Variants in CWC27 observed in about 807,000 individuals in gnomAD.
CWC27 encodes CWC27 spliceosome associated cyclophilin.
CWC27 carries 47 observed loss-of-function variants against 63.6 expected under a neutral mutation model. The ratio of observed to expected loss-of-function variants is 0.74; its 90% CI spans 0.58 to 0.94. The LOEUF is 0.94. CWC27 is among the 40% of genes least tolerant of loss of function. The probability of loss-of-function intolerance (pLI) is 0.00; values close to 1 mark genes in which losing one functional copy is unlikely to be tolerated. For missense variants in CWC27, 495 were observed against 554.3 expected (o/e 0.89, Z 1.07); for synonymous variants, 175 against 179.8 (o/e 0.97, Z 0.22).
At chr5:64,963,708 T>G (rs1035784580) in intron 11 of CWC27, among the ~76,000 whole-genome samples, 3 of 152,214 alleles carry the variant, frequency 2.0e-5, no homozygotes, top group Non-Finnish European at 4.4e-5. Flanking sequence ...TTAACAGGCT[T>G]AATCATGGTA....
chr5:64,788,937 TTTTTTTGGACTAGAAA>T lies in CWC27; in HGVS notation c.600-9_606del. On this transcript the variant is annotated splice_acceptor_variant and splice_polypyrimidine_tract_variant and coding_sequence_variant and intron_variant, in exon 7 of 14. Transcript: ENST00000381070. LOFTEE classifies it high-confidence loss of function. The stretch of plus-strand genomic sequence containing the variant: ...TCTCTTTCTTTTTTTTTTTCTTTCT[TTTTTTTGGACTAGAAA>T]TTTTAGTTTACTTTCATTTGGAGAG... The T allele has an allele frequency of 6.4e-7, 1 of 1,552,632 alleles. No individual in the cohort carries two copies. The highest frequency in any genetic ancestry group is 8.7e-7 in the Non-Finnish European group (1 of 1,145,068).
rs568073547 is a variant in CWC27, at chr5:64,884,856, A to G, written c.939-587A>G. On this transcript the variant is annotated intron_variant, in intron 10 of 13. Transcript: ENST00000381070. ...TTTGTCTTTAACACATGATTATATT[A>G]ATCATCAGACCTCACCCTGGTAGAT... 2.1e-4 allele frequency among the ~76,000 whole-genome samples: 32 copies of G among 152,310 alleles called. No individual in the cohort carries two copies. The South Asian group carries it at 3.7e-3, about 18-fold the overall frequency.
intron 10 of CWC27, among the ~76,000 whole-genome samples, chr5:64,868,345 T>C (rs1746581349): frequency 6.6e-6 from 1 of 152,134 alleles, no homozygotes; most frequent in Admixed American, 6.6e-5. Flanking sequence ...TATTTCCTAG[T>C]CGCCTCTTAA....
At chr5:64,997,379 G>T (rs899351055) in intron 13 of CWC27, among the ~76,000 whole-genome samples, 1 of 152,074 alleles carries the variant, frequency 6.6e-6, no homozygotes, top group Non-Finnish European at 1.5e-5. Context: ...TTTTTAAAGG[G>T]TTTAGTATGG....
intron 10 of CWC27, among the ~76,000 whole-genome samples, chr5:64,840,380 AAAAAAAAAAAAAAAATATATATATATAT>A (rs1384640323): frequency 7.1e-5 from 5 of 70,204 alleles, no homozygotes; most frequent in African/African-American, 2.6e-4. Context: ...AAAAAAAAAA[AAAAAAAAAAAAAAAATATATATATATAT>A]ATATATATAT....
chr5:65,005,334 G>T (rs1478238070), intron 13 of CWC27, among the ~76,000 whole-genome samples: 1 of 152,086 alleles, frequency 6.6e-6, no homozygotes, highest in South Asian at 2.1e-4. Flanking sequence ...AGTGAGGAAG[G>T]TTGATCCCTG....
chr5:64,949,753 C>T (rs112207969), intron 11 of CWC27, among the ~76,000 whole-genome samples: 1,976 of 152,098 alleles, frequency 0.013, 15 homozygotes, highest in Non-Finnish European at 0.02. Flanking sequence ...GCTCCCTTTT[C>T]CTGGAATGCC....
At chr5:64,888,584 TATAA>T (rs1045528149) in intron 11 of CWC27, among the ~76,000 whole-genome samples, 5 of 148,640 alleles carry the variant, frequency 3.4e-5, no homozygotes, top group African/African-American at 7.3e-5. Flanking sequence ...TTGGCATACT[TATAA>T]ATAATTTATA....
chr5:64,840,245 C>A (rs1426742612), intron 10 of CWC27, among the ~76,000 whole-genome samples: 2 of 150,448 alleles, frequency 1.3e-5, no homozygotes, highest in Non-Finnish European at 3.0e-5. Context: ...ACTGCTGCAC[C>A]CAAGCAATGT....
rs556185896 is a variant in CWC27 at position 64,845,217 on chromosome 5, G to A, written c.939-40226G>A. 6.6e-5 allele frequency among the ~76,000 whole-genome samples: 10 copies of A among 152,264 alleles called. 1 individual carries two copies. Among genetic ancestry groups the A allele is most frequent in the African/African-American group, 2.4e-4 (10 of 41,546 alleles). On this transcript the variant is annotated intron_variant, in intron 10 of 13. Transcript: ENST00000381070. ...ATCATCACCAGCTGGCCCTTCCCAG[G>A]CTAAACTAAATAGTGAACCTCTATC...
intron 11 of CWC27, among the ~76,000 whole-genome samples, chr5:64,967,469 A>T (rs1230701146): frequency 6.6e-6 from 1 of 152,038 alleles, no homozygotes; most frequent in Non-Finnish European, 1.5e-5. Context: ...AAAATCACCA[A>T]AATAGTTGTG....
At chr5:65,014,304 G>A (rs1268829046) in intron 13 of CWC27, among the ~76,000 whole-genome samples, 2 of 146,308 alleles carry the variant, frequency 1.4e-5, no homozygotes, top group African/African-American at 2.5e-5. Flanking sequence ...TGTATATACT[G>A]TATATATACT....
intron 11 of CWC27, among the ~76,000 whole-genome samples, chr5:64,936,074 A>G (rs1384372281): frequency 6.6e-6 from 1 of 152,140 alleles, no homozygotes; most frequent in Non-Finnish European, 1.5e-5. Flanking sequence ...CTCTCTTCCT[A>G]TTTGAATACC....
intron 11 of CWC27, among the ~76,000 whole-genome samples, chr5:64,949,923 C>A (rs1448702989): frequency 1.3e-5 from 2 of 151,910 alleles, no homozygotes; most frequent in African/African-American, 2.4e-5. Context: ...GGGCTGAAAC[C>A]CAGGCATCGG....
intron 10 of CWC27, among the ~76,000 whole-genome samples, chr5:64,809,878 C>T (rs771465094): frequency 3.7e-4 from 56 of 152,142 alleles, no homozygotes; most frequent in Non-Finnish European, 5.6e-4. Context: ...TCCTTTGCTG[C>T]GCAGAACTTT....
chr5:64,802,402 G>A (rs773870508), intron 9 of CWC27, among the ~76,000 whole-genome samples: 3 of 152,158 alleles, frequency 2.0e-5, no homozygotes, highest in African/African-American at 7.2e-5. Flanking sequence ...GCCATGGTGA[G>A]GGGTTTGAGT....
chr5:64,937,521 T>C (rs377323606), intron 11 of CWC27, among the ~76,000 whole-genome samples: 3 of 152,186 alleles, frequency 2.0e-5, no homozygotes, highest in Non-Finnish European at 4.4e-5. Flanking sequence ...AGTTATATGG[T>C]AAATTTTAGA....
chr5:65,018,132 C>G, intron 13 of CWC27, 27 bp from the exon 14 acceptor site: 1 of 1,553,020 alleles, frequency 6.4e-7, no homozygotes, highest in Non-Finnish European at 8.6e-7. Flanking sequence ...TGCAAGAAAT[C>G]ACTGAACCAT....
chr5:64,991,836 T>G (rs1749542482), intron 13 of CWC27, among the ~76,000 whole-genome samples: 1 of 152,246 alleles, frequency 6.6e-6, no homozygotes, highest in Admixed American at 6.5e-5. Context: ...ATAAGTTTTT[T>G]TATTTTGGCA....
Sources: allele counts gnomAD v4.1 joint callset (sites outside exome capture counted in the v4.1 genomes callset), GRCh38; gene constraint gnomAD v4.1.1; transcripts MANE v1.5; gene names NCBI Gene and HGNC (gene_info 2026-07-23, HGNC 2026-07-21).